The following GBF1 variants were observed in gnomAD, a reference collection of about 807,000 sequenced individuals.
GBF1 encodes the protein Golgi-specific brefeldin A-resistance guanine nucleotide exchange factor 1.
In GBF1, 114 loss-of-function variants were observed where a neutral mutation model predicts 210.5. The observed-to-expected ratio is 0.54, with a 90% CI of 0.47 to 0.63. The LOEUF (loss-of-function observed/expected upper bound fraction) is 0.63. Among genes scored for constraint, GBF1 ranks in the 30% least tolerant of loss-of-function variants. The probability of loss-of-function intolerance (pLI) is 0.00; values close to 1 mark genes in which losing one functional copy is unlikely to be tolerated. For missense variants in GBF1, 1,851 were observed against 2,357.7 expected, an observed-to-expected ratio of 0.79 and a Z score of 4.45; for synonymous variants, 850 against 889.2, an observed-to-expected ratio of 0.96 and a Z score of 0.78.
chr10:102,342,928 A>G (rs1466114014), intron 3 of GBF1, among the ~76,000 whole-genome samples: 2 of 152,172 alleles, frequency 1.3e-5, no homozygotes, highest in Non-Finnish European at 2.9e-5. Context: ...TAGGTAGAAT[A>G]GATGAAGGGG....
intron 4 of GBF1, 140 bp from the exon 5 acceptor site, chr10:102,351,116 C>T (rs1444636261): frequency 1.3e-5 from 7 of 529,518 alleles, no homozygotes; most frequent in Admixed American, 3.4e-5. Context: ...CAGTTGTGGG[C>T]AAAAATTCTC....
intron 3 of GBF1, among the ~76,000 whole-genome samples, chr10:102,290,626 G>C (rs1303890008): frequency 1.3e-5 from 2 of 152,134 alleles, no homozygotes; most frequent in Non-Finnish European, 2.9e-5. Context: ...GCCTCCCTGA[G>C]TAGCTGGGAC....
the GBF1 span, chr10:102,230,674 G>A: frequency 1.3e-6 from 2 of 1,582,358 alleles, no homozygotes; most frequent in South Asian, 1.1e-5. Context: ...GGGGGAAGAG[G>A]CGGCAGCCGC....
intron 3 of GBF1, among the ~76,000 whole-genome samples, chr10:102,327,250 C>T (rs2056975367): frequency 1.3e-5 from 2 of 152,280 alleles, no homozygotes; most frequent in Admixed American, 1.3e-4. Context: ...GTGGCTTCTT[C>T]TCTCCTGCCA....
chr10:102,368,696 C>A (rs1477800158), intron 22 of GBF1, 43 bp from the exon 23 acceptor site: 2 of 1,398,144 alleles, frequency 1.4e-6, no homozygotes, highest in East Asian at 2.3e-5. Flanking sequence ...GGCTGCTTGG[C>A]CTTCCAGTGA....
At position 102,351,262 on chromosome 10, in the gene GBF1, C is replaced by T; in HGVS notation, c.302C>T (p.Thr101Ile). The change falls in exon 5 of 40, where the codon ACC (threonine) becomes ATC (isoleucine). Residue 101 changes from threonine to isoleucine, a missense_variant. By Grantham distance (89) the Thr-to-Ile change is moderately conservative. Around this residue, in one of 3 missense-constraint regions of GBF1, gnomAD observed 804 missense variants for 958.6 expected, o/e 0.84. Transcript: ENST00000369983. ...KFLSYALIDP[T>I]HEGTAEGMEN... ...TCCTTTTTCGCTGGAGCAGATCCCA[C>T]CCATGAGGGCACAGCAGAGGGCATG... The T allele has an allele frequency of 3.2e-6, 5 of 1,573,132 alleles. No homozygotes were observed. The highest frequency in any genetic ancestry group is 1.1e-5 in the South Asian group (1 of 90,246).
intron 3 of GBF1, among the ~76,000 whole-genome samples, chr10:102,301,151 T>A (rs2077311085): frequency 6.6e-6 from 1 of 152,130 alleles, no homozygotes; most frequent in African/African-American, 2.4e-5. Flanking sequence ...TTTGTGTCCC[T>A]GGGTACTTGA....
chr10:102,349,363 T>C (rs1053014990), intron 4 of GBF1, among the ~76,000 whole-genome samples: 3 of 151,922 alleles, frequency 2.0e-5, no homozygotes, highest in African/African-American at 7.3e-5. Flanking sequence ...TGAAACCCCA[T>C]CTCTACTAAA....
At chr10:102,231,512 GA>G in the GBF1 span, 1 of 997,224 alleles carries the variant, frequency 1.0e-6, no homozygotes, top group Non-Finnish European at 1.5e-6. Context: ...AGGTGGGGTG[GA>G]ACCGCTGGCC....
chr10:102,366,278 G>T lies in GBF1; in HGVS notation c.2310-105G>T. The stretch of plus-strand genomic sequence containing the variant: ...TACTGCCCCTTTACTAGAGACCTCA[G>T]CCTCCTCTCTTCCAGTAAGAGTAGG... On this transcript the variant is annotated intron_variant, in intron 18 of 39. Coordinates refer to ENST00000369983, the MANE Select transcript of GBF1 (RefSeq NM_001377137.1). This position sits in a 1 kb window ranked among gnomAD's most constrained non-coding sequence, Gnocchi z 4.0. The T allele has an allele frequency of 8.2e-7, 1 of 1,222,944 alleles. No individual in the cohort carries two copies. The highest frequency in any genetic ancestry group is 1.2e-6 in the Non-Finnish European group (1 of 843,498). 75.8% of individuals were successfully genotyped at this position (1,222,944 alleles called of 1,614,324 possible).
chr10:102,380,690 G>A lies in GBF1; in HGVS notation c.5173+4G>A. The A allele has an allele frequency of 1.2e-6, 2 of 1,602,920 alleles. No homozygotes were observed. The highest frequency in any genetic ancestry group is 1.1e-5 in the South Asian group (1 of 89,586). On this transcript the variant is annotated splice_donor_region_variant and intron_variant, in intron 38 of 39. Coordinates refer to ENST00000369983, the MANE Select transcript of GBF1 (RefSeq NM_001377137.1). ...TTCAAGCAGACCGTCATCCAGGGTA[G>A]GGGGCTCAGCCCAGCTTTATCAAAA...
At chr10:102,271,747 TATC>T (rs901192985) in intron 3 of GBF1, among the ~76,000 whole-genome samples, 1 of 152,110 alleles carries the variant, frequency 6.6e-6, no homozygotes, top group Non-Finnish European at 1.5e-5. Flanking sequence ...CTATTATTAT[TATC>T]ATCATTACCA....
At chr10:102,282,699 G>A (rs188611622) in intron 3 of GBF1, among the ~76,000 whole-genome samples, 7 of 152,294 alleles carry the variant, frequency 4.6e-5, no homozygotes, top group Non-Finnish European at 1.0e-4. Context: ...TGGATACCAG[G>A]TTCAGTAGGA....
At position 102,248,035 on chromosome 10, in the gene GBF1, C is replaced by T. The variant is rs565932008; in HGVS notation, c.-11+2254C>T. ...GCAGCTAAAGAGGAAGAAGACACAG[C>T]TCTTGCTTTTGAGGAGACTCTATTT... On this transcript the variant is annotated intron_variant, in intron 1 of 39. Coordinates refer to ENST00000369983, the MANE Select transcript of GBF1 (RefSeq NM_001377137.1). Among the ~76,000 whole-genome samples, 3 of 152,328 alleles carry T rather than the reference C, an allele frequency of 2.0e-5. No homozygotes were observed. The East Asian group carries it at 5.8e-4, about 29-fold the overall frequency.
chr10:102,235,101 C>A, the GBF1 span, among the ~76,000 whole-genome samples: 1 of 152,060 alleles, frequency 6.6e-6, no homozygotes, highest in African/African-American at 2.4e-5. Context: ...CGTACCGTCA[C>A]ACAGTCTCCT....
chr10:102,352,174 T>C (rs1374101736), intron 6 of GBF1, among the ~76,000 whole-genome samples: 4 of 152,200 alleles, frequency 2.6e-5, no homozygotes, highest in Middle Eastern at 3.2e-3. Flanking sequence ...GGATCCCAGA[T>C]TGACTTAGCC....
chr10:102,378,142 C>T (rs1001212125), intron 33 of GBF1, among the ~76,000 whole-genome samples: 3 of 150,140 alleles, frequency 2.0e-5, no homozygotes, highest in South Asian at 2.1e-4. Flanking sequence ...GGCGTGAACC[C>T]GGGAGGCAGA....
chr10:102,382,288 G>A lies in GBF1; in HGVS notation c.5535G>A (p.Leu1845=). 1 of 1,613,728 alleles carries A rather than the reference G, an allele frequency of 6.2e-7. No individual in the cohort carries two copies. The highest frequency in any genetic ancestry group is 8.5e-7 in the Non-Finnish European group (1 of 1,179,846). The change falls in exon 40 of 40, where the codon CTG becomes CTA. Residue 1845 remains leucine (L), a synonymous_variant. Coordinates refer to ENST00000369983, the MANE Select transcript of GBF1 (RefSeq NM_001377137.1). ...AGGCCACCTCACCAGTGCCCCTCCT[G>A]GCCACACCCCGCCCCACAGATCCCA... is the stretch of plus-strand genomic sequence containing the variant. The part of the protein sequence containing the change: ...LIEATSPVPL[L]ATPRPTDPIP...
At chr10:102,233,927 T>A in the GBF1 span, among the ~76,000 whole-genome samples, 58 of 152,272 alleles carry the variant, frequency 3.8e-4, no homozygotes, top group African/African-American at 1.3e-3. Context: ...AGGACCCCTC[T>A]GCTGCGAGGA....
Sources: allele counts gnomAD v4.1 joint callset (sites outside exome capture counted in the v4.1 genomes callset), GRCh38; gene constraint gnomAD v4.1.1; regional missense constraint gnomAD v4.1.1; non-coding constraint Gnocchi (gnomAD v3.1); transcripts MANE v1.5; gene names NCBI Gene and HGNC (gene_info 2026-07-23, HGNC 2026-07-21).